The following COL23A1 variants were observed in gnomAD, a reference collection of about 807,000 sequenced individuals.
COL23A1 encodes the protein collagen alpha-1(XXIII) chain.
COL23A1 carries 97 observed loss-of-function variants against 99.3 expected under a neutral mutation model. The ratio of observed to expected loss-of-function variants is 0.98; its 90% CI spans 0.83 to 1.16. COL23A1 has a LOEUF of 1.16. Among genes scored for constraint, COL23A1 ranks in the 50% most tolerant of loss-of-function variants. The probability of loss-of-function intolerance (pLI) is 0.00; values close to 1 mark genes in which losing one functional copy is unlikely to be tolerated. For synonymous variants in COL23A1, 320 were observed against 308.2 expected (o/e 1.04, Z -0.40); for missense variants, 762 against 757.4 (o/e 1.01, Z -0.07).
chr5:178,423,551 C>T (rs1057331472), intron 2 of COL23A1, among the ~76,000 whole-genome samples: 2 of 152,162 alleles, frequency 1.3e-5, no homozygotes, highest in Non-Finnish European at 2.9e-5. Context: ...AGGTTAGGGG[C>T]AGTAAATGCA....
intron 2 of COL23A1, among the ~76,000 whole-genome samples, chr5:178,371,447 C>T (rs375766121): frequency 3.9e-5 from 6 of 152,306 alleles, no homozygotes; most frequent in Non-Finnish European, 5.9e-5. Flanking sequence ...ATGGGCCTCG[C>T]GGGCTTGGTT....
intron 2 of COL23A1, among the ~76,000 whole-genome samples, chr5:178,380,050 G>A (rs72822852): frequency 6.6e-6 from 1 of 152,104 alleles, no homozygotes; most frequent in East Asian, 1.9e-4. Flanking sequence ...TTCCTGAACC[G>A]ATGCTGCCTC....
intron 3 of COL23A1, among the ~76,000 whole-genome samples, chr5:178,297,389 G>C (rs1757803875): frequency 6.6e-6 from 1 of 152,180 alleles, no homozygotes; most frequent in Non-Finnish European, 1.5e-5. Flanking sequence ...GTGGTGGTGG[G>C]CATCTGTAAT....
intron 2 of COL23A1, among the ~76,000 whole-genome samples, chr5:178,545,153 G>T (rs754770193): frequency 2.0e-5 from 3 of 152,104 alleles, no homozygotes; most frequent in Admixed American, 6.5e-5. Context: ...GGCCATAGAG[G>T]GGGTGGGGGG....
At chr5:178,353,988 G>A (rs1761480916) in intron 2 of COL23A1, among the ~76,000 whole-genome samples, 1 of 151,570 alleles carries the variant, frequency 6.6e-6, no homozygotes, top group Non-Finnish European at 1.5e-5. Context: ...AGGGAGAAAA[G>A]ACTGGATTTA....
intron 2 of COL23A1, among the ~76,000 whole-genome samples, chr5:178,537,983 C>G (rs576963988): frequency 6.6e-6 from 1 of 152,204 alleles, no homozygotes; most frequent in Admixed American, 6.5e-5. Context: ...ACACAGTATC[C>G]GTCCTGTTGT....
chr5:178,313,502 C>T lies in COL23A1; in HGVS notation c.362-6583G>A, dbSNP rs1433749766. Among the ~76,000 whole-genome samples the T allele has an allele frequency of 2.6e-5, 4 of 152,186 alleles. No individual in the cohort carries two copies. The highest frequency in any genetic ancestry group is 4.8e-5 in the African/African-American group (2 of 41,438). On this transcript the variant is annotated intron_variant, in intron 2 of 28. Transcript: ENST00000390654. This position sits in a 1 kb window ranked among gnomAD's most constrained non-coding sequence, Gnocchi z 4.2. ...ACAGCAGTGTCCCGTGTGAGGAGCC[C>T]GGCACTGTGGAGTCACAGAGGATGG... is the stretch of plus-strand genomic sequence containing the variant.
At position 178,239,048 on chromosome 5, in the gene COL23A1, T is replaced by C. The variant is rs1764252931; in HGVS notation, c.1620+93A>G. 4 of 1,413,114 alleles carry C rather than the reference T, an allele frequency of 2.8e-6. No individual in the cohort carries two copies. The South Asian group carries it at 4.6e-5, about 16-fold the overall frequency. The allele number at this position is 1,413,114 out of a possible 1,614,324, so 87.5% of individuals were successfully genotyped here. ...CGAGAAGCCGCAGACACCCAGAGGT[T>C]TGAGTGACAGCACCCAGGCTCTGGG... is the stretch of plus-strand genomic sequence containing the variant. On this transcript the variant is annotated intron_variant, in intron 28 of 28. Coordinates refer to ENST00000390654, the MANE Select transcript of COL23A1 (RefSeq NM_173465.4).
chr5:178,383,307 G>C (rs969278223), intron 2 of COL23A1, among the ~76,000 whole-genome samples: 2 of 152,190 alleles, frequency 1.3e-5, no homozygotes, highest in Non-Finnish European at 2.9e-5. Context: ...GAGATGGCCT[G>C]CCTTATCTCT....
chr5:178,263,713 C>T (rs1358672180), intron 8 of COL23A1, among the ~76,000 whole-genome samples: 1 of 152,200 alleles, frequency 6.6e-6, no homozygotes. Flanking sequence ...GGTCAACTCC[C>T]ACTTCATTTA....
intron 2 of COL23A1, among the ~76,000 whole-genome samples, chr5:178,351,387 C>G (rs1358437785): frequency 6.6e-6 from 1 of 152,206 alleles, no homozygotes; most frequent in African/African-American, 2.4e-5. Flanking sequence ...CGGGTGTGCA[C>G]AGTGTGACTG....
intron 2 of COL23A1, among the ~76,000 whole-genome samples, chr5:178,342,497 G>A (rs938971738): frequency 1.1e-4 from 16 of 152,194 alleles, no homozygotes; most frequent in Admixed American, 7.2e-4. Context: ...TTTCCTGGGC[G>A]GAGACACAGG....
Position 178,245,979 on chromosome 5 carries a change from A to G in COL23A1, c.1414-11T>C, listed in dbSNP as rs1764671210. 2 of 1,613,926 alleles carry G rather than the reference A, an allele frequency of 1.2e-6. No individual in the cohort carries two copies. The highest frequency in any genetic ancestry group is 2.7e-5 in the African/African-American group (2 of 74,934). On this transcript the variant is annotated splice_polypyrimidine_tract_variant and intron_variant, in intron 24 of 28. Transcript: ENST00000390654. The stretch of plus-strand genomic sequence containing the variant: ...CTCCCCGGGTCTGCCCTGAGGAGAG[A>G]CACAGAGTGGGTGAGAGGGGTTGGG...
chr5:178,435,000 C>T lies in COL23A1; in HGVS notation c.361+125682G>A, dbSNP rs548730884. On this transcript the variant is annotated intron_variant, in intron 2 of 28. Coordinates refer to ENST00000390654, the MANE Select transcript of COL23A1 (RefSeq NM_173465.4). The surrounding 1 kb of genome is among the most constrained non-coding windows in gnomAD (Gnocchi z 4.3). ...GAGGGGGTCGGCACCCGTCCAGCACCGCTCGCTCGATTTCCAGCCAGCACC... is the reference window on the plus strand; with the variant it reads ...GAGGGGGTCGGCACCCGTCCAGCACTGCTCGCTCGATTTCCAGCCAGCACC... Among the ~76,000 whole-genome samples, 19 of 152,304 alleles carry T rather than the reference C, an allele frequency of 1.2e-4. 1 individual carries two copies. In the South Asian group the frequency reaches 1.5e-3, roughly 12 times the overall value.
chr5:178,327,761 C>T (rs1470711844), intron 2 of COL23A1, among the ~76,000 whole-genome samples: 2 of 152,266 alleles, frequency 1.3e-5, no homozygotes, highest in East Asian at 3.9e-4. Flanking sequence ...AACCACTGGG[C>T]TACCTGCTCC....
intron 16 of COL23A1, 65 bp downstream of exon 16, chr5:178,254,884 G>A: frequency 7.3e-7 from 1 of 1,363,100 alleles, no homozygotes; most frequent in Non-Finnish European, 1.0e-6. Context: ...AATCACAAAG[G>A]GAGTGATTAT....
chr5:178,390,349 G>A (rs1472495568), intron 2 of COL23A1, among the ~76,000 whole-genome samples: 3 of 152,232 alleles, frequency 2.0e-5, no homozygotes, highest in African/African-American at 7.2e-5. Context: ...AGGGAGCAAG[G>A]AGGCACATGG....
chr5:178,552,895 G>A lies in COL23A1; in HGVS notation c.361+7787C>T, dbSNP rs1178957623. Among the ~76,000 whole-genome samples the A allele has an allele frequency of 2.6e-5, 4 of 151,652 alleles. No individual in the cohort carries two copies. The South Asian group carries it at 8.4e-4, about 32-fold the overall frequency. ...CACCTGGCTAATTTTTGTATTTTTA[G>A]TAGAGGATTTCACCATGTTGGCCAG... On this transcript the variant is annotated intron_variant, in intron 2 of 28. Coordinates refer to ENST00000390654, the MANE Select transcript of COL23A1 (RefSeq NM_173465.4).
chr5:178,491,570 T>G (rs11249547), intron 2 of COL23A1, among the ~76,000 whole-genome samples: 33,128 of 151,678 alleles, frequency 0.22, 4,014 homozygotes, highest in Middle Eastern at 0.28. Context: ...GGATGAAAAC[T>G]GAAATGTGGG....
Sources: allele counts gnomAD v4.1 joint callset (sites outside exome capture counted in the v4.1 genomes callset), GRCh38; gene constraint gnomAD v4.1.1; non-coding constraint Gnocchi (gnomAD v3.1); transcripts MANE v1.5; gene names NCBI Gene and HGNC (gene_info 2026-07-23, HGNC 2026-07-21).